Variants in TICAM2 observed in about 807,000 individuals in gnomAD.
TICAM2 encodes the protein TIR domain containing adaptor molecule 2, also known as TIR domain-containing adapter molecule 2.
A neutral mutation model predicts 7.3 loss-of-function variants in TICAM2; 8 were observed. That is an observed-to-expected ratio of 1.10 (90% confidence interval 0.65 to 1.99). The LOEUF is 1.99. Among genes scored for constraint, TICAM2 ranks in the 30% most tolerant of loss-of-function variants. TICAM2 has a pLI of 0.00. For missense variants in TICAM2, 304 were observed against 278.8 expected (o/e 1.09, Z -0.65); for synonymous variants, 113 against 99.6 (o/e 1.13, Z -0.80).
intron 1 of TICAM2, among the ~76,000 whole-genome samples, chr5:115,589,574 C>G (rs555857083): frequency 6.6e-6 from 1 of 152,250 alleles, no homozygotes; most frequent in South Asian, 2.1e-4. Flanking sequence ...TCAAATATTA[C>G]CTATTGGCAT....
chr5:115,595,377 C>A (rs1011010425), intron 1 of TICAM2, among the ~76,000 whole-genome samples: 6 of 152,202 alleles, frequency 3.9e-5, no homozygotes, highest in African/African-American at 1.4e-4. Context: ...AACTTTAAGT[C>A]CTGCTAATAG....
At chr5:115,586,981 G>A (rs1049496460) in intron 1 of TICAM2, among the ~76,000 whole-genome samples, 4 of 152,144 alleles carry the variant, frequency 2.6e-5, no homozygotes, top group African/African-American at 9.7e-5. Context: ...ACAAAGACAG[G>A]TGGACATTTT....
At chr5:115,582,901 CA>C (rs1192490468) in intron 1 of TICAM2, among the ~76,000 whole-genome samples, 2 of 152,116 alleles carry the variant, frequency 1.3e-5, no homozygotes, top group Non-Finnish European at 2.9e-5. Flanking sequence ...GAATTTCATT[CA>C]ATGTATGTGA....
intron 1 of TICAM2, among the ~76,000 whole-genome samples, chr5:115,589,926 C>G (rs1224968393): frequency 6.6e-6 from 1 of 152,116 alleles, no homozygotes; most frequent in African/African-American, 2.4e-5. Context: ...GAGAGAAAGC[C>G]AAACAGATAG....
chr5:115,581,004 G>A lies in TICAM2; in HGVS notation c.253C>T (p.His85Tyr). The A allele has an allele frequency of 6.2e-7, 1 of 1,614,018 alleles. No homozygotes were observed. Among genetic ancestry groups the A allele is most frequent in the Non-Finnish European group, 8.5e-7 (1 of 1,179,976 alleles). ...EEVFLKFVIL[H>Y]AEDDTDEALR... The stretch of plus-strand genomic sequence containing the variant: ...GCTTCATCTGTGTCATCTTCTGCAT[G>A]CAATATCACAAATTTGAGGAACACC... Residue 85 changes from histidine (H) to tyrosine (Y), a missense_variant, in exon 2 of 2, where the codon CAT becomes TAT. By Grantham distance (83) the His-to-Tyr change is moderately conservative. Transcript: ENST00000427199.
In TICAM2 at chr5:115,580,830, A is replaced by G. The variant is rs1754893680; in HGVS notation, c.427T>C (p.Phe143Leu). The G allele has an allele frequency of 6.2e-7, 1 of 1,605,684 alleles. No individual in the cohort carries two copies. The highest frequency in any genetic ancestry group is 1.7e-5 in the Admixed American group (1 of 59,062). The change falls in exon 2 of 2, where the codon TTT becomes CTT. Residue 143 changes from phenylalanine to leucine, a missense_variant. Physicochemically the swap from Phe to Leu is conservative, Grantham distance 22. Coordinates refer to ENST00000427199, the MANE Select transcript of TICAM2 (RefSeq NM_021649.7). ...AWTILLLTEN[F>L]LRDTWCNFQF... The stretch of plus-strand genomic sequence containing the variant: ...AAATTACACCAAGTATCTCTTAAAA[A>G]GTTTTCAGTCAGTAATAAGATTGTC...
intron 1 of TICAM2, among the ~76,000 whole-genome samples, chr5:115,599,877 G>C (rs1365676673): frequency 6.9e-6 from 1 of 144,378 alleles, no homozygotes; most frequent in Non-Finnish European, 1.5e-5. Flanking sequence ...CTTTTTTTTT[G>C]TGATTCTGAT....
intron 1 of TICAM2, chr5:115,581,682 CAAATT>C (rs1754931679): frequency 5.4e-6 from 1 of 183,698 alleles, no homozygotes; most frequent in Non-Finnish European, 1.1e-5. Flanking sequence ...TCTCCATTAT[CAAATT>C]ACCATGTAGA....
intron 1 of TICAM2, among the ~76,000 whole-genome samples, chr5:115,593,490 C>T (rs1561577472): frequency 6.6e-6 from 1 of 151,970 alleles, no homozygotes. Context: ...GATTTCCACA[C>T]AGAAATATTA....
In TICAM2 at chr5:115,578,585, T is replaced by A. The variant is rs963269971; in HGVS notation, c.*1964A>T. 1.3e-5 allele frequency: 2 copies of A among 152,178 alleles called. No individual in the cohort carries two copies. The highest frequency in any genetic ancestry group is 4.8e-5 in the African/African-American group (2 of 41,438). The allele number at this position is 152,178 out of a possible 1,614,324, so 9.4% of individuals were successfully genotyped here. On this transcript the variant is annotated 3_prime_UTR_variant, in exon 2 of 2. Transcript: ENST00000427199. Reference sequence around the variant, plus strand: ...TGCTCTATGAAGTACAAATCGATGCTTCATTTCAAAACACTCTTCCACAAT... The same window carrying A: ...TGCTCTATGAAGTACAAATCGATGCATCATTTCAAAACACTCTTCCACAAT...
rs78105900 is a variant in TICAM2 at position 115,596,537 on chromosome 5, C to T, written c.-60+5560G>A. On this transcript the variant is annotated intron_variant, in intron 1 of 1. Coordinates refer to ENST00000427199, the MANE Select transcript of TICAM2 (RefSeq NM_021649.7). ...AGTGGAGTTACTAGTGTTAAAAAAC[C>T]GGACAATCAGAGCCAGGAAAGGCCA... 1.6e-3 allele frequency among the ~76,000 whole-genome samples: 240 copies of T among 152,172 alleles called. 2 individuals are homozygous for T. The East Asian group carries it at 0.033, about 21-fold the overall frequency.
intron 1 of TICAM2, among the ~76,000 whole-genome samples, chr5:115,594,337 C>A (rs563908581): frequency 2.0e-4 from 31 of 152,318 alleles, no homozygotes; most frequent in African/African-American, 6.5e-4. Context: ...CCCAAACACA[C>A]ATATGGTTGT....
Position 115,580,924 on chromosome 5 carries a change from G to T in TICAM2, c.333C>A (p.Ile111=). ...GTCTGCCACATGGCATCTCAGCAAA[G>T]ATTATTCCGGGTTTGATACCAAAGT... ...QDDFGIKPGI[I]FAEMPCGRQH... Residue 111 remains isoleucine, a synonymous_variant, in exon 2 of 2, where the codon ATC becomes ATA. Transcript: ENST00000427199. The T allele has an allele frequency of 1.9e-6, 3 of 1,613,812 alleles. No individual in the cohort carries two copies. The highest frequency in any genetic ancestry group is 2.5e-6 in the Non-Finnish European group (3 of 1,179,760).
chr5:115,598,556 T>C (rs1176780629), intron 1 of TICAM2, among the ~76,000 whole-genome samples: 9 of 152,162 alleles, frequency 5.9e-5, no homozygotes, highest in Non-Finnish European at 1.2e-4. Flanking sequence ...GCTAGGAAGC[T>C]CCACGTTAAT....
intron 1 of TICAM2, among the ~76,000 whole-genome samples, chr5:115,589,413 G>A (rs766886711): frequency 3.3e-5 from 5 of 152,192 alleles, no homozygotes; most frequent in Non-Finnish European, 7.3e-5. Context: ...GTATTTTCAG[G>A]AACAGAATGA....
At chr5:115,596,120 C>T (rs570779518) in intron 1 of TICAM2, among the ~76,000 whole-genome samples, 3 of 152,264 alleles carry the variant, frequency 2.0e-5, no homozygotes, top group African/African-American at 7.2e-5. Context: ...CCTGCACTTC[C>T]AAGTGATCAC....
chr5:115,589,402 A>G (rs1355077963), intron 1 of TICAM2, among the ~76,000 whole-genome samples: 1 of 152,256 alleles, frequency 6.6e-6, no homozygotes, highest in African/African-American at 2.4e-5. Flanking sequence ...TAGGGTAATA[A>G]GTATTTTCAG....
chr5:115,584,303 T>G (rs1263104818), intron 1 of TICAM2, among the ~76,000 whole-genome samples: 1 of 152,220 alleles, frequency 6.6e-6, no homozygotes, highest in African/African-American at 2.4e-5. Flanking sequence ...GGATAAACAT[T>G]AGTATACATT....
At position 115,581,266 on chromosome 5, in the gene TICAM2, C is replaced by T. The variant is rs1408552828; in HGVS notation, c.-10G>A. 6.2e-7 allele frequency: 1 copy of T among 1,603,974 alleles called. No homozygotes were observed. The highest frequency in any genetic ancestry group is 8.5e-7 in the Non-Finnish European group (1 of 1,179,924). On this transcript the variant is annotated 5_prime_UTR_variant, in exon 2 of 2. Transcript: ENST00000427199. Reference sequence around the variant, plus strand: ...ACTTCCCGATACCCATTATAAATATCCAAGGCAGAAGAGGAAAACTTTATG... The same window carrying T: ...ACTTCCCGATACCCATTATAAATATTCAAGGCAGAAGAGGAAAACTTTATG...
Sources: gnomAD v4.1 joint callset for allele counts (sites outside exome capture counted in the v4.1 genomes callset) on GRCh38, gnomAD v4.1.1 for gene constraint, MANE v1.5 for transcripts, NCBI Gene and HGNC (gene_info 2026-07-23, HGNC 2026-07-21) for gene names.